Variants in FRRS1 observed in about 807,000 individuals in gnomAD.
FRRS1 encodes the protein ferric reductase 1.
FRRS1 carries 51 observed loss-of-function variants against 70.7 expected under a neutral mutation model. The ratio of observed to expected loss-of-function variants is 0.72; its 90% CI spans 0.58 to 0.91. FRRS1 has a LOEUF of 0.91. Among genes scored for constraint, FRRS1 ranks in the 40% least tolerant of loss-of-function variants. The pLI is 0.00. For missense variants in FRRS1, 672 were observed against 726.0 expected (o/e 0.93, Z 0.86); for synonymous variants, 225 against 238.7 (o/e 0.94, Z 0.53).
chr1:99,723,722 T>C (rs979593017), intron 9 of FRRS1, among the ~76,000 whole-genome samples: 7 of 152,148 alleles, frequency 4.6e-5, no homozygotes, highest in Admixed American at 1.3e-4. Context: ...CTAGAAATAA[T>C]TCAATTTATT....
At chr1:99,712,351 A>G in intron 13 of FRRS1, 67 bp downstream of exon 13, 1 of 1,198,396 alleles carries the variant, frequency 8.3e-7, no homozygotes. Context: ...CCATTTGAAA[A>G]CAGATTAGTT....
intron 1 of FRRS1, among the ~76,000 whole-genome samples, chr1:99,761,464 G>T (rs930647945): frequency 6.6e-6 from 1 of 152,056 alleles, no homozygotes; most frequent in African/African-American, 2.4e-5. Flanking sequence ...CTGGAAAAAT[G>T]ATTGGAAACA....
chr1:99,725,042 G>A (rs1277546796), intron 9 of FRRS1, among the ~76,000 whole-genome samples: 9 of 152,096 alleles, frequency 5.9e-5, no homozygotes, highest in South Asian at 2.1e-4. Context: ...GAAGGGCAGC[G>A]ATGGTTTTGG....
chr1:99,743,588 C>T (rs1370963932), intron 4 of FRRS1, among the ~76,000 whole-genome samples: 1 of 152,194 alleles, frequency 6.6e-6, no homozygotes, highest in Non-Finnish European at 1.5e-5. Context: ...AACATACATA[C>T]ACAAACAGAC....
chr1:99,739,804 A>G (rs1655863856), intron 6 of FRRS1, among the ~76,000 whole-genome samples: 1 of 152,162 alleles, frequency 6.6e-6, no homozygotes, highest in Non-Finnish European at 1.5e-5. Context: ...AATTTGCCCA[A>G]AGACACACGA....
chr1:99,744,512 C>G (rs1380765869), intron 4 of FRRS1, among the ~76,000 whole-genome samples: 1 of 152,040 alleles, frequency 6.6e-6, no homozygotes, highest in Admixed American at 6.6e-5. Context: ...AAAGGCCGGG[C>G]GCAGTGGCTC....
intron 12 of FRRS1, among the ~76,000 whole-genome samples, chr1:99,715,202 G>A (rs964930179): frequency 1.3e-5 from 2 of 152,044 alleles, no homozygotes; most frequent in Non-Finnish European, 2.9e-5. Flanking sequence ...AGCACCGCTG[G>A]GTACTGAGTA....
chr1:99,747,294 C>T lies in FRRS1; in HGVS notation c.333G>A (p.Gln111=), dbSNP rs751813920. The change falls in exon 4 of 17, where the codon CAG becomes CAA. Residue 111 remains glutamine, a splice_region_variant and synonymous_variant. Transcript: ENST00000646001. ...TCAAGGATCAACTCTAAACACAAAC[C>T]TGTATATCTTCACAGGTCAAAAGTT... The part of the protein sequence containing the change: ...VSQLLTCEDI[Q]GSAVSHRSAS... The T allele has an allele frequency of 6.2e-7, 1 of 1,612,128 alleles. No individual in the cohort carries two copies. The highest frequency in any genetic ancestry group is 2.2e-5 in the East Asian group (1 of 44,852).
intron 1 of FRRS1, among the ~76,000 whole-genome samples, chr1:99,760,738 T>G (rs1442003668): frequency 2.0e-5 from 3 of 151,978 alleles, no homozygotes; most frequent in South Asian, 4.1e-4. Context: ...CAACCTCCGC[T>G]TCCTGGGTTC....
At chr1:99,766,107 A>G (rs1657341024) in intron 1 of FRRS1, among the ~76,000 whole-genome samples, 1 of 152,044 alleles carries the variant, frequency 6.6e-6, no homozygotes, top group African/African-American at 2.4e-5. Context: ...GCCACCCTGG[A>G]GTCTTTCTGA....
chr1:99,747,688 T>C, intron 3 of FRRS1: 2 of 356,656 alleles, frequency 5.6e-6, no homozygotes, highest in Non-Finnish European at 1.0e-5. Context: ...CCAGGGGCAG[T>C]CCATAAGGCT....
rs1435000311 is a variant in FRRS1 at position 99,708,348 on chromosome 1, C to A, written c.*680G>T. Among the ~76,000 whole-genome samples, 1 of 151,772 alleles carries A rather than the reference C, an allele frequency of 6.6e-6. No individual in the cohort carries two copies. The highest frequency in any genetic ancestry group is 6.6e-5 in the Admixed American group (1 of 15,240). On this transcript the variant is annotated 3_prime_UTR_variant, in exon 17 of 17. Transcript: ENST00000646001. ...GGCGTGGTGGCTCACGCCTGTAATC[C>A]CAGCACTTTGGGAAGCTGAGGCAGG...
chr1:99,712,455 G>A lies in FRRS1; in HGVS notation c.1384C>T (p.Leu462Phe). 1 of 1,613,482 alleles carries A rather than the reference G, an allele frequency of 6.2e-7. No homozygotes were observed. The highest frequency in any genetic ancestry group is 8.5e-7 in the Non-Finnish European group (1 of 1,179,658). ...AAAGGTGGCCTGAAGACTGCCAGAA[G>A]AGGCTGAAGAACTGCCAAAGTCATC... ...IVMTLAVLQP[L>F]LAVFRPPLHD... The change falls in exon 13 of 17, where the codon CTT (leucine) becomes TTT (phenylalanine). Residue 462 changes from leucine (L) to phenylalanine (F), a missense_variant. Transcript: ENST00000646001.
At chr1:99,746,739 A>G (rs1274980279) in intron 4 of FRRS1, among the ~76,000 whole-genome samples, 1 of 152,244 alleles carries the variant, frequency 6.6e-6, no homozygotes, top group African/African-American at 2.4e-5. Context: ...CTTCTACGAC[A>G]TGGACCCTCC....
rs1413375494 is a variant in FRRS1 at position 99,706,306 on chromosome 1, G to T, written c.*2722C>A. Among the ~76,000 whole-genome samples the T allele has an allele frequency of 6.6e-6, 1 of 151,762 alleles. No homozygotes were observed. Among genetic ancestry groups the T allele is most frequent in the Admixed American group, 6.6e-5 (1 of 15,254 alleles). On this transcript the variant is annotated 3_prime_UTR_variant, in exon 17 of 17. Coordinates refer to ENST00000646001, the MANE Select transcript of FRRS1 (RefSeq NM_001361041.2). ...TGCCTGTAGTTCCAGCTACTCTGGA[G>T]GCTGCAGTGGGAGGATCACTAAAGC...
chr1:99,756,519 G>T (rs1656842761), intron 1 of FRRS1, among the ~76,000 whole-genome samples: 1 of 152,094 alleles, frequency 6.6e-6, no homozygotes, highest in Non-Finnish European at 1.5e-5. Context: ...TTATTTGATT[G>T]TGGGCCACAG....
At chr1:99,734,324 G>T (rs1025557975) in intron 7 of FRRS1, among the ~76,000 whole-genome samples, 3 of 152,306 alleles carry the variant, frequency 2.0e-5, no homozygotes, top group African/African-American at 7.2e-5. Context: ...AATTGTAGGA[G>T]AATGTCCATG....
At position 99,704,490 on chromosome 1, in the gene FRRS1, G is replaced by A. The variant is rs574952470; in HGVS notation, c.*4538C>T. ...GAGGGAAAGGAAGTGCTGGGTAGAG[G>A]AGGGCGTGGTCCCTGGCGAGGGCTC... On this transcript the variant is annotated 3_prime_UTR_variant, in exon 17 of 17. Transcript: ENST00000646001. Among the ~76,000 whole-genome samples, 2 of 152,078 alleles carry A rather than the reference G, an allele frequency of 1.3e-5. No individual in the cohort carries two copies. Among genetic ancestry groups the A allele is most frequent in the Non-Finnish European group, 2.9e-5 (2 of 68,000 alleles).
At chr1:99,753,526 G>A (rs1200494550) in intron 1 of FRRS1, among the ~76,000 whole-genome samples, 1 of 151,958 alleles carries the variant, frequency 6.6e-6, no homozygotes, top group African/African-American at 2.4e-5. Context: ...CCAACACTTC[G>A]GGAGGCTGAG....
Sources: gnomAD v4.1 joint callset for allele counts (sites outside exome capture counted in the v4.1 genomes callset) on GRCh38, gnomAD v4.1.1 for gene constraint, MANE v1.5 for transcripts, NCBI Gene and HGNC (gene_info 2026-07-23, HGNC 2026-07-21) for gene names.